The following GABBR2 variants were observed in gnomAD, a reference collection of about 807,000 sequenced individuals.
GABBR2 encodes gamma-aminobutyric acid type B receptor subunit 2, also known as G-protein coupled receptor 51.
A neutral mutation model predicts 105.6 loss-of-function variants in GABBR2; 23 were observed. The ratio of observed to expected loss-of-function variants is 0.22; its 90% confidence interval spans 0.16 to 0.31. The LOEUF (loss-of-function observed/expected upper bound fraction) is 0.31, where lower values mean the gene tolerates loss of function less well. GABBR2 is among the 10% of genes least tolerant of loss of function. GABBR2 has a pLI of 1.00. For synonymous variants in GABBR2, 478 were observed against 499.7 expected (o/e 0.96, Z 0.58); for missense variants, 734 against 1,245.5 (o/e 0.59, Z 6.18).
intron 1 of GABBR2, among the ~76,000 whole-genome samples, chr9:98,639,095 C>A (rs1180625143): frequency 6.6e-6 from 1 of 152,190 alleles, no homozygotes; most frequent in Non-Finnish European, 1.5e-5. Context: ...CCAGGAACAC[C>A]TCCAGTGCTG....
chr9:98,623,727 C>T (rs1479739312), intron 1 of GABBR2, among the ~76,000 whole-genome samples: 1 of 152,156 alleles, frequency 6.6e-6, no homozygotes, highest in East Asian at 1.9e-4. Context: ...TGCCTCTGAC[C>T]CATCTGCCTC....
intron 15 of GABBR2, among the ~76,000 whole-genome samples, chr9:98,305,613 A>G (rs763943546): frequency 1.3e-4 from 20 of 152,248 alleles, no homozygotes; most frequent in Non-Finnish European, 2.6e-4. Flanking sequence ...CCAGGAGTCC[A>G]AGACCAGCTT....
chr9:98,577,882 C>T, intron 2 of GABBR2, 53 bp downstream of exon 2: 1 of 1,547,482 alleles, frequency 6.5e-7, no homozygotes, highest in South Asian at 1.2e-5. Context: ...CTGCAAAAGA[C>T]TGAGGGCCAA....
intron 3 of GABBR2, among the ~76,000 whole-genome samples, chr9:98,523,489 C>T (rs1014348198): frequency 5.9e-5 from 9 of 152,296 alleles, no homozygotes; most frequent in African/African-American, 1.9e-4. Context: ...GGAGGATAAA[C>T]GTGTAGCTCT....
intron 1 of GABBR2, among the ~76,000 whole-genome samples, chr9:98,649,280 C>G (rs1830072448): frequency 6.6e-6 from 1 of 152,158 alleles, no homozygotes; most frequent in African/African-American, 2.4e-5. Context: ...CTTTACAGCT[C>G]AGAGGCAAAT....
intron 11 of GABBR2, among the ~76,000 whole-genome samples, chr9:98,372,528 C>T (rs1831802487): frequency 6.6e-6 from 1 of 152,326 alleles, no homozygotes. Flanking sequence ...CTTGGCTGAA[C>T]ACAAGGCAGA....
intron 3 of GABBR2, among the ~76,000 whole-genome samples, chr9:98,534,562 G>C (rs577761427): frequency 2.8e-4 from 42 of 152,312 alleles, no homozygotes; most frequent in Non-Finnish European, 5.6e-4. Context: ...AACCCTAAGA[G>C]GTAGGTGCTA....
intron 16 of GABBR2, 25 bp from the exon 17 acceptor site, chr9:98,299,378 G>A (rs879696642): frequency 1.8e-5 from 29 of 1,613,400 alleles, no homozygotes; most frequent in Non-Finnish European, 2.4e-5. Flanking sequence ...TTCCAGTTGA[G>A]TCAGGTCCCT....
At chr9:98,389,221 A>G (rs1387621350) in intron 9 of GABBR2, among the ~76,000 whole-genome samples, 3 of 152,266 alleles carry the variant, frequency 2.0e-5, no homozygotes, top group African/African-American at 7.2e-5. Flanking sequence ...GAATCAATAA[A>G]GGATTTGTGA....
intron 6 of GABBR2, among the ~76,000 whole-genome samples, chr9:98,468,754 G>T (rs1361324839): frequency 2.6e-5 from 4 of 152,092 alleles, no homozygotes; most frequent in Non-Finnish European, 5.9e-5. Flanking sequence ...TGAGGTTGCA[G>T]ATTAAGTGGT....
intron 1 of GABBR2, among the ~76,000 whole-genome samples, chr9:98,666,859 A>G (rs1188834865): frequency 6.6e-6 from 1 of 152,142 alleles, no homozygotes; most frequent in South Asian, 2.1e-4. Context: ...AACCCAGCAG[A>G]CCAGAAGAGG....
In GABBR2 at chr9:98,683,842, A is replaced by G. The variant is rs148581452; in HGVS notation, c.321+24575T>C. On this transcript the variant is annotated intron_variant, in intron 1 of 18. Coordinates refer to ENST00000259455, the MANE Select transcript of GABBR2 (RefSeq NM_005458.8). ...GGCTAACACGGTGAAACCCGTCTCT[A>G]CTAAAACTACAAAAAATTAGCCGGG... is the stretch of plus-strand genomic sequence containing the variant. 6.7e-4 allele frequency among the ~76,000 whole-genome samples: 102 copies of G among 151,860 alleles called. 1 individual carries two copies. In the East Asian group the frequency reaches 0.02, roughly 29 times the overall value.
intron 3 of GABBR2, among the ~76,000 whole-genome samples, chr9:98,534,016 A>G (rs1828121343): frequency 1.3e-5 from 2 of 152,218 alleles, no homozygotes; most frequent in African/African-American, 2.4e-5. Context: ...CCTCCCCTGC[A>G]GGAGTGTCTC....
chr9:98,453,361 C>T (rs1440655414), intron 7 of GABBR2, among the ~76,000 whole-genome samples: 2 of 152,056 alleles, frequency 1.3e-5, no homozygotes, highest in Admixed American at 1.3e-4. Flanking sequence ...TTCTTTTTTT[C>T]AGAACAGAAA....
intron 14 of GABBR2, among the ~76,000 whole-genome samples, chr9:98,307,645 G>A (rs1830572013): frequency 6.6e-6 from 1 of 152,140 alleles, no homozygotes; most frequent in Admixed American, 6.6e-5. Flanking sequence ...TCTGTTGGCT[G>A]GGTGACCTGG....
intron 6 of GABBR2, among the ~76,000 whole-genome samples, chr9:98,457,313 C>T (rs533784648): frequency 7.9e-5 from 12 of 152,316 alleles, no homozygotes; most frequent in African/African-American, 2.4e-4. Flanking sequence ...ACTGGAGCAG[C>T]CTTCAAGGTT....
chr9:98,545,016 G>A (rs1175029595), intron 2 of GABBR2, among the ~76,000 whole-genome samples: 1 of 152,150 alleles, frequency 6.6e-6, no homozygotes, highest in Non-Finnish European at 1.5e-5. Flanking sequence ...TTTCAGGACA[G>A]GGACATTATA....
chr9:98,366,885 C>G lies in GABBR2; in HGVS notation c.1771-4048G>C, dbSNP rs924957560. Among the ~76,000 whole-genome samples, 6 of 152,342 alleles carry G rather than the reference C, an allele frequency of 3.9e-5. No homozygotes were observed. The South Asian group carries it at 1.2e-3, about 32-fold the overall frequency. On this transcript the variant is annotated intron_variant, in intron 12 of 18. Coordinates refer to ENST00000259455, the MANE Select transcript of GABBR2 (RefSeq NM_005458.8). The stretch of plus-strand genomic sequence containing the variant: ...AACTTCCATTGTCCTCAAAAAGCAT[C>G]TGCCCCCAGAACAGAAGGTGTCATC...
At chr9:98,495,913 T>A (rs1254306442) in intron 4 of GABBR2, 1 of 158,960 alleles carries the variant, frequency 6.3e-6, no homozygotes, top group Non-Finnish European at 1.4e-5. Context: ...GTAAAAGCTG[T>A]TTGAGAGAGT....
Sources: gnomAD v4.1 joint callset for allele counts (sites outside exome capture counted in the v4.1 genomes callset) on GRCh38, gnomAD v4.1.1 for gene constraint, MANE v1.5 for transcripts, NCBI Gene and HGNC (gene_info 2026-07-23, HGNC 2026-07-21) for gene names.